IFIH1: variants seen among roughly 807,000 people sequenced by gnomAD.
IFIH1 encodes interferon induced with helicase C domain 1, also known as interferon-induced helicase C domain-containing protein 1.
A neutral mutation model predicts 107.4 loss-of-function variants in IFIH1; 125 were observed. The ratio of observed to expected loss-of-function variants is 1.16; its 90% CI spans 1.01 to 1.35. The LOEUF (loss-of-function observed/expected upper bound fraction) is 1.35, where lower values mean the gene tolerates loss of function less well. IFIH1 is among the 40% of genes most tolerant of loss of function. The pLI, the probability that IFIH1 is intolerant of heterozygous loss-of-function variation, is 0.00. For missense variants in IFIH1, 1,333 were observed against 1,213.7 expected (o/e 1.10, Z -1.46); for synonymous variants, 458 against 413.2 (o/e 1.11, Z -1.31).
At chr2:162,298,168 ATTCT>A (rs1437922313) in intron 3 of IFIH1, among the ~76,000 whole-genome samples, 2 of 152,190 alleles carry the variant, frequency 1.3e-5, no homozygotes, top group East Asian at 3.9e-4. Flanking sequence ...ACAAGTAGGC[ATTCT>A]TTATTCAAAG....
chr2:162,295,938 G>C (rs1439174390), intron 3 of IFIH1, among the ~76,000 whole-genome samples: 1 of 151,756 alleles, frequency 6.6e-6, no homozygotes, highest in Non-Finnish European at 1.5e-5. Flanking sequence ...AGATTTTTGA[G>C]GCAAAAAAGT....
At chr2:162,288,072 A>T in intron 5 of IFIH1, 63 bp downstream of exon 5, 1 of 1,038,316 alleles carries the variant, frequency 9.6e-7, no homozygotes, top group Non-Finnish European at 1.5e-6. Flanking sequence ...AAATGCCATC[A>T]TATAAAAGTT....
intron 5 of IFIH1, among the ~76,000 whole-genome samples, chr2:162,287,546 T>A (rs1408410656): frequency 6.6e-6 from 1 of 151,824 alleles, no homozygotes; most frequent in African/African-American, 2.4e-5. Flanking sequence ...GCATTTAATG[T>A]AATATGTGTA....
intron 3 of IFIH1, among the ~76,000 whole-genome samples, chr2:162,298,605 CAT>C (rs1265378702): frequency 6.6e-6 from 1 of 152,128 alleles, no homozygotes; most frequent in Non-Finnish European, 1.5e-5. Context: ...AAGCTTGAAA[CAT>C]GTGTGCACGT....
Position 162,272,260 on chromosome 2 carries a change from AC to A in IFIH1, c.2581del (p.Val861PhefsTer4). On this transcript the variant is annotated frameshift_variant, in exon 13 of 16. Transcript: ENST00000649979. LOFTEE classifies it high-confidence loss of function. ...EKMMYKAIHC[V>X]QNMKPEEYAH... is the part of the protein sequence containing the mutation. ...ATACTCCTCTGGTTTCATATTTTGA[AC>A]ACAATGTATAGCTTTATACATCATC... 1 of 1,612,652 alleles carries A rather than the reference AC, an allele frequency of 6.2e-7. No homozygotes were observed. Among genetic ancestry groups the A allele is most frequent in the Non-Finnish European group, 8.5e-7 (1 of 1,179,216 alleles).
chr2:162,315,467 T>G (rs1199735703), intron 1 of IFIH1, among the ~76,000 whole-genome samples: 3 of 152,156 alleles, frequency 2.0e-5, no homozygotes, highest in Non-Finnish European at 4.4e-5. Flanking sequence ...CAAACTTAAA[T>G]TTACACAGAA....
chr2:162,305,605 A>C (rs1683268546), intron 3 of IFIH1, among the ~76,000 whole-genome samples: 1 of 151,234 alleles, frequency 6.6e-6, no homozygotes. Flanking sequence ...ATGAAATTAA[A>C]AAAATAAAAA....
intron 14 of IFIH1, 110 bp from the exon 15 acceptor site, chr2:162,267,679 C>T (rs11891413): frequency 1.1e-4 from 83 of 788,006 alleles, no homozygotes; most frequent in African/African-American, 7.3e-4. Context: ...GTATTCTACA[C>T]GGCATTCCTT....
At chr2:162,306,982 A>T (rs1401886976) in intron 2 of IFIH1, 127 bp from the exon 3 acceptor site, 3 of 704,742 alleles carry the variant, frequency 4.3e-6, no homozygotes, top group Non-Finnish European at 7.0e-6. Context: ...AATATATTTA[A>T]ATACTTTGAA....
chr2:162,302,171 T>A (rs1683204686), intron 3 of IFIH1, among the ~76,000 whole-genome samples: 1 of 152,138 alleles, frequency 6.6e-6, no homozygotes, highest in Non-Finnish European at 1.5e-5. Flanking sequence ...CTGTTACTGA[T>A]GGTAGTGTGT....
At position 162,272,221 on chromosome 2, in the gene IFIH1, A is replaced by G; in HGVS notation, c.2616+5T>C. On this transcript the variant is annotated splice_donor_5th_base_variant and intron_variant, in intron 13 of 15. Coordinates refer to ENST00000649979, the MANE Select transcript of IFIH1 (RefSeq NM_022168.4). ...AAAATCAAATTCAGAGGTGACCAAC[A>G]ATACCTTATGAGCATACTCCTCTGG... 1 of 1,608,670 alleles carries G rather than the reference A, an allele frequency of 6.2e-7. No individual in the cohort carries two copies. The highest frequency in any genetic ancestry group is 8.5e-7 in the Non-Finnish European group (1 of 1,176,764).
chr2:162,307,005 A>G (rs1052530693), intron 2 of IFIH1, 150 bp from the exon 3 acceptor site: 2 of 611,368 alleles, frequency 3.3e-6, no homozygotes, highest in Non-Finnish European at 5.5e-6. Context: ...TCTGAATAGA[A>G]TGTAAATTGT....
intron 3 of IFIH1, among the ~76,000 whole-genome samples, chr2:162,298,009 T>A (rs1041700873): frequency 2.0e-5 from 3 of 152,160 alleles, no homozygotes; most frequent in African/African-American, 2.4e-5. Context: ...AAAATATTTT[T>A]AAATCATTTA....
At chr2:162,294,205 A>G (rs1237126242) in intron 3 of IFIH1, among the ~76,000 whole-genome samples, 1 of 151,964 alleles carries the variant, frequency 6.6e-6, no homozygotes, top group African/African-American at 2.4e-5. Context: ...CTGGCATCAC[A>G]GTTGTACTAG....
chr2:162,275,773 T>C (rs1489485372), intron 11 of IFIH1, among the ~76,000 whole-genome samples: 1 of 152,214 alleles, frequency 6.6e-6, no homozygotes. Context: ...CATTGCTTCA[T>C]GCATGCTTGT....
intron 2 of IFIH1, among the ~76,000 whole-genome samples, chr2:162,309,767 T>TC (rs1260508824): frequency 2.0e-5 from 3 of 152,158 alleles, no homozygotes; most frequent in African/African-American, 7.2e-5. Flanking sequence ...GCATAACAAC[T>TC]CCTTCAATTA....
At chr2:162,271,244 C>T (rs1691030081) in intron 13 of IFIH1, among the ~76,000 whole-genome samples, 2 of 152,096 alleles carry the variant, frequency 1.3e-5, no homozygotes, top group Non-Finnish European at 2.9e-5. Flanking sequence ...CCTCAACCAC[C>T]CAGTTGAAAG....
At chr2:162,310,973 T>A (rs376065991) in intron 1 of IFIH1, 40 bp from the exon 2 acceptor site, 4 of 1,509,684 alleles carry the variant, frequency 2.6e-6, no homozygotes, top group Non-Finnish European at 3.7e-6. Context: ...AGATCAAACA[T>A]CTTCTGAATA....
chr2:162,295,136 T>A (rs1238199951), intron 3 of IFIH1, among the ~76,000 whole-genome samples: 4 of 151,984 alleles, frequency 2.6e-5, no homozygotes, highest in Non-Finnish European at 4.4e-5. Context: ...AGTTAAGGTA[T>A]TTCCAGCACC....
Sources: allele counts gnomAD v4.1 joint callset (sites outside exome capture counted in the v4.1 genomes callset), GRCh38; gene constraint gnomAD v4.1.1; transcripts MANE v1.5; gene names NCBI Gene and HGNC (gene_info 2026-07-23, HGNC 2026-07-21).